Variants in NSMCE2 observed in about 807,000 individuals in gnomAD.
The protein encoded by NSMCE2 is NSE2 SUMO ligase component of SMC5/6 complex.
A neutral mutation model predicts 23.8 loss-of-function variants in NSMCE2; 24 were observed. The observed-to-expected ratio is 1.01, with a 90% CI of 0.73 to 1.42. The LOEUF is 1.42. Among genes scored for constraint, NSMCE2 ranks in the 40% most tolerant of loss-of-function variants. The probability of loss-of-function intolerance (pLI) is 0.00; values close to 1 mark genes in which losing one functional copy is unlikely to be tolerated. For synonymous variants in NSMCE2, 92 were observed against 94.1 expected, an observed-to-expected ratio of 0.98 and a Z score of 0.13; for missense variants, 284 against 296.5, an observed-to-expected ratio of 0.96 and a Z score of 0.31.
chr8:125,211,326 G>T (rs898336196), intron 5 of NSMCE2, among the ~76,000 whole-genome samples: 1 of 152,142 alleles, frequency 6.6e-6, no homozygotes, highest in Non-Finnish European at 1.5e-5. Flanking sequence ...AATAGTCTCT[G>T]TGTTGCACAG....
intron 5 of NSMCE2, among the ~76,000 whole-genome samples, chr8:125,239,418 G>T (rs538278869): frequency 6.6e-6 from 1 of 152,144 alleles, no homozygotes; most frequent in Non-Finnish European, 1.5e-5. Context: ...AGACTAGCCT[G>T]GCCAACATGA....
At chr8:125,266,100 T>TTC (rs1012220408) in intron 5 of NSMCE2, among the ~76,000 whole-genome samples, 2 of 150,642 alleles carry the variant, frequency 1.3e-5, no homozygotes, top group African/African-American at 4.9e-5. Flanking sequence ...TTCTTTTTTT[T>TTC]TTTTTTTTTG....
chr8:125,262,286 G>A lies in NSMCE2; in HGVS notation c.418+80030G>A, dbSNP rs187113328. ...TAAAAATACAAAAAATTAGCCGGGC[G>A]TGGTGGCAGGTGCCTATAGTCCCAG... is the stretch of plus-strand genomic sequence containing the variant. On this transcript the variant is annotated intron_variant, in intron 5 of 7. Transcript: ENST00000287437. Among the ~76,000 whole-genome samples the A allele has an allele frequency of 4.9e-3, 738 of 151,996 alleles. 6 individuals are homozygous for A. Among genetic ancestry groups the A allele is most frequent in the African/African-American group, 0.016 (656 of 41,452 alleles).
intron 4 of NSMCE2, among the ~76,000 whole-genome samples, chr8:125,179,068 C>T (rs972150480): frequency 6.6e-6 from 1 of 152,158 alleles, no homozygotes; most frequent in Non-Finnish European, 1.5e-5. Flanking sequence ...AACTAAATTT[C>T]TGTTGTTTAA....
At chr8:125,260,750 G>A (rs988404621) in intron 5 of NSMCE2, among the ~76,000 whole-genome samples, 1 of 151,438 alleles carries the variant, frequency 6.6e-6, no homozygotes, top group Non-Finnish European at 1.5e-5. Flanking sequence ...TTAGCCTCCC[G>A]AGTAGCTGGG....
chr8:125,347,673 T>A lies in NSMCE2; in HGVS notation c.419-9546T>A, dbSNP rs546052123. On this transcript the variant is annotated intron_variant, in intron 5 of 7. Transcript: ENST00000287437. ...GTTCCATTCACATGAAACAACAGAA[T>A]AAGAAAGAAGTTTGAGCTAAAAGAG... Among the ~76,000 whole-genome samples the A allele has an allele frequency of 9.9e-4, 151 of 152,276 alleles. 1 individual carries two copies. The highest frequency in any genetic ancestry group is 3.4e-3 in the Middle Eastern group (1 of 294).
chr8:125,118,545 A>G (rs1349247159), intron 3 of NSMCE2, among the ~76,000 whole-genome samples: 1 of 152,202 alleles, frequency 6.6e-6, no homozygotes, highest in Non-Finnish European at 1.5e-5. Context: ...TTGGTAGGAA[A>G]TACCACTAGG....
chr8:125,145,990 C>T (rs1820653127), intron 3 of NSMCE2, among the ~76,000 whole-genome samples: 1 of 152,168 alleles, frequency 6.6e-6, no homozygotes. Context: ...AATATTAAAA[C>T]TTATTAATCT....
chr8:125,148,616 A>C (rs539368254), intron 3 of NSMCE2, among the ~76,000 whole-genome samples: 1 of 152,292 alleles, frequency 6.6e-6, no homozygotes, highest in South Asian at 2.1e-4. Context: ...ATTTTGGAAA[A>C]GCAGTTTATA....
At chr8:125,209,937 T>C (rs1824259817) in intron 5 of NSMCE2, among the ~76,000 whole-genome samples, 1 of 152,238 alleles carries the variant, frequency 6.6e-6, no homozygotes, top group Non-Finnish European at 1.5e-5. Context: ...CATGAAAGTA[T>C]TTTGTAAACT....
At chr8:125,251,241 C>T (rs1373998881) in intron 5 of NSMCE2, among the ~76,000 whole-genome samples, 3 of 151,920 alleles carry the variant, frequency 2.0e-5, no homozygotes, top group Non-Finnish European at 4.4e-5. Context: ...TTCAGGGAGA[C>T]GCAGGGAACA....
intron 5 of NSMCE2, among the ~76,000 whole-genome samples, chr8:125,202,191 C>T (rs1303037284): frequency 1.3e-5 from 2 of 152,232 alleles, no homozygotes; most frequent in Non-Finnish European, 2.9e-5. Context: ...AATGCCCCGC[C>T]CTACTTCACC....
chr8:125,191,989 A>G (rs535106159), intron 5 of NSMCE2, among the ~76,000 whole-genome samples: 1 of 152,338 alleles, frequency 6.6e-6, no homozygotes, highest in Middle Eastern at 3.4e-3. Context: ...ACAGATAGCT[A>G]TAATTAAAGT....
At chr8:125,365,387 C>T (rs1348416321) in intron 7 of NSMCE2, among the ~76,000 whole-genome samples, 5 of 152,208 alleles carry the variant, frequency 3.3e-5, no homozygotes, top group Non-Finnish European at 7.3e-5. Context: ...CTCAGCCGAG[C>T]TGCCCTCACC....
chr8:125,302,918 A>G (rs140580631), intron 5 of NSMCE2, among the ~76,000 whole-genome samples: 1 of 152,306 alleles, frequency 6.6e-6, no homozygotes, highest in East Asian at 1.9e-4. Context: ...AATCCGGGAC[A>G]AAGAATCTGA....
intron 5 of NSMCE2, among the ~76,000 whole-genome samples, chr8:125,274,984 G>T (rs954110448): frequency 7.9e-5 from 10 of 127,094 alleles, no homozygotes; most frequent in Admixed American, 4.4e-4. Context: ...CAATTTTTCA[G>T]GACAATCTGA....
chr8:125,220,579 T>G (rs1251707999), intron 5 of NSMCE2, among the ~76,000 whole-genome samples: 1 of 152,104 alleles, frequency 6.6e-6, no homozygotes, highest in Non-Finnish European at 1.5e-5. Context: ...GTTCTCTGCT[T>G]GACTTCATTG....
intron 5 of NSMCE2, among the ~76,000 whole-genome samples, chr8:125,334,463 C>G (rs1182099846): frequency 6.6e-6 from 1 of 152,136 alleles, no homozygotes; most frequent in Non-Finnish European, 1.5e-5. Flanking sequence ...CATGGGGACA[C>G]CCATTCTGCG....
rs558475143 is a variant in NSMCE2, at chr8:125,163,729, C to T, written c.264+12452C>T. On this transcript the variant is annotated intron_variant, in intron 4 of 7. Coordinates refer to ENST00000287437, the MANE Select transcript of NSMCE2 (RefSeq NM_173685.4). The stretch of plus-strand genomic sequence containing the variant: ...AGTGAAAGAAACTTCCTGATTCTAC[C>T]AACAAGAATGGGAAGGGAGTCCCTG... Among the ~76,000 whole-genome samples the T allele has an allele frequency of 5.9e-5, 9 of 152,208 alleles. No individual in the cohort carries two copies. The East Asian group carries it at 1.7e-3, about 29-fold the overall frequency.
Sources: allele counts gnomAD v4.1 joint callset (sites outside exome capture counted in the v4.1 genomes callset), GRCh38; gene constraint gnomAD v4.1.1; transcripts MANE v1.5; gene names NCBI Gene and HGNC (gene_info 2026-07-23, HGNC 2026-07-21).